The following SBF2 variants were observed in gnomAD, a reference collection of about 807,000 sequenced individuals.
SBF2 encodes myotubularin-related protein 13.
Under a neutral mutation model 225.2 loss-of-function variants are expected in SBF2, and 112 were observed. The observed-to-expected ratio is 0.50, with a 90% CI of 0.43 to 0.58. SBF2 has a LOEUF of 0.58. SBF2 is among the 20% of genes least tolerant of loss of function. SBF2 has a pLI of 0.00. For synonymous variants in SBF2, 763 were observed against 773.3 expected (o/e 0.99, Z 0.22); for missense variants, 1,996 against 2,206.2 (o/e 0.90, Z 1.91).
At chr11:10,225,314 TA>T (rs556088795) in intron 1 of SBF2, among the ~76,000 whole-genome samples, 3 of 149,598 alleles carry the variant, frequency 2.0e-5, no homozygotes, top group Non-Finnish European at 4.5e-5. Context: ...ACTTCTTCTT[TA>T]AAAAAAAAGA....
At chr11:10,137,092 T>C (rs1347345128) in intron 2 of SBF2, among the ~76,000 whole-genome samples, 3 of 152,226 alleles carry the variant, frequency 2.0e-5, no homozygotes, top group Non-Finnish European at 4.4e-5. Flanking sequence ...CAACATTTTG[T>C]AGTCTCAGCA....
intron 16 of SBF2, among the ~76,000 whole-genome samples, chr11:9,946,638 T>TG (rs1865580119): frequency 1.3e-5 from 2 of 152,074 alleles, no homozygotes; most frequent in Non-Finnish European, 1.5e-5. Context: ...TTAATAAAGA[T>TG]GGAGTTTCTC....
intron 1 of SBF2, among the ~76,000 whole-genome samples, chr11:10,288,027 T>A (rs1419434345): frequency 1.3e-5 from 2 of 152,072 alleles, no homozygotes; most frequent in African/African-American, 4.8e-5. Flanking sequence ...ACAAACAGCT[T>A]CCCCGGCCGG....
intron 16 of SBF2, among the ~76,000 whole-genome samples, chr11:9,948,648 C>G (rs1223171402): frequency 6.6e-6 from 1 of 152,158 alleles, no homozygotes; most frequent in Non-Finnish European, 1.5e-5. Context: ...TAGGGTGTCT[C>G]TGTTGCCAGA....
chr11:10,178,849 T>A (rs1195399060), intron 2 of SBF2, among the ~76,000 whole-genome samples: 1 of 149,478 alleles, frequency 6.7e-6, no homozygotes, highest in Non-Finnish European at 1.5e-5. Flanking sequence ...ACTGGGTATA[T>A]ACCCAAAGGA....
At chr11:9,811,318 A>G (rs1249121883) in intron 30 of SBF2, 2 of 152,240 alleles carry the variant, frequency 1.3e-5, no homozygotes, top group Non-Finnish European at 2.9e-5. Context: ...ACAAACCTAC[A>G]TATGTACCCC....
Position 10,212,560 on chromosome 11 carries a change from A to G in SBF2, c.56-18573T>C, listed in dbSNP as rs139477308. ...TCTAGATTTGTAAAGTGATAAATCTATAGGTATTAGACATTATGGAGACCT... is the reference window on the plus strand; with the variant it reads ...TCTAGATTTGTAAAGTGATAAATCTGTAGGTATTAGACATTATGGAGACCT... On this transcript the variant is annotated intron_variant, in intron 1 of 39. Coordinates refer to ENST00000256190, the MANE Select transcript of SBF2 (RefSeq NM_030962.4). 3.7e-3 allele frequency among the ~76,000 whole-genome samples: 566 copies of G among 152,338 alleles called. 2 individuals carry two copies. Among genetic ancestry groups the G allele is most frequent in the Admixed American group, 6.2e-3 (95 of 15,308 alleles).
intron 16 of SBF2, among the ~76,000 whole-genome samples, chr11:9,954,037 G>C (rs1409467967): frequency 6.6e-6 from 1 of 152,122 alleles, no homozygotes; most frequent in Non-Finnish European, 1.5e-5. Context: ...AGTAATCTCA[G>C]TTTCAAAAAA....
chr11:9,897,263 G>C (rs555041954), intron 16 of SBF2, among the ~76,000 whole-genome samples: 1 of 151,828 alleles, frequency 6.6e-6, no homozygotes, highest in African/African-American at 2.4e-5. Flanking sequence ...TTGAGACAGA[G>C]TCTTGCTCTG....
intron 1 of SBF2, among the ~76,000 whole-genome samples, chr11:10,263,587 A>G (rs758071217): frequency 2.6e-5 from 4 of 152,274 alleles, no homozygotes; most frequent in Admixed American, 1.3e-4. Flanking sequence ...CTTACTACTA[A>G]TAAGTACCTA....
At chr11:9,978,708 C>G (rs1946809276) in intron 13 of SBF2, among the ~76,000 whole-genome samples, 1 of 152,108 alleles carries the variant, frequency 6.6e-6, no homozygotes, top group Non-Finnish European at 1.5e-5. Context: ...GGTGGCAGGA[C>G]TTCGGCTCAA....
chr11:10,117,440 C>CAAAAAAAAA (rs57722094), intron 2 of SBF2, among the ~76,000 whole-genome samples: 1 of 40,906 alleles, frequency 2.4e-5, no homozygotes, highest in African/African-American at 8.0e-5. Flanking sequence ...GAATCCAACT[C>CAAAAAAAAA]AAAAAAAAAA....
At chr11:10,040,993 A>G (rs1436627969) in intron 3 of SBF2, among the ~76,000 whole-genome samples, 1 of 152,088 alleles carries the variant, frequency 6.6e-6, no homozygotes, top group Non-Finnish European at 1.5e-5. Flanking sequence ...CCATTAATAT[A>G]ATGTCAATAT....
chr11:10,024,289 T>C (rs1948967625), intron 6 of SBF2, among the ~76,000 whole-genome samples: 1 of 152,078 alleles, frequency 6.6e-6, no homozygotes, highest in Admixed American at 6.6e-5. Context: ...ATAAATAAAA[T>C]GGCTATGAAC....
chr11:10,297,031 T>C (rs1271955670), upstream of SBF2, among the ~76,000 whole-genome samples: 1 of 152,206 alleles, frequency 6.6e-6, no homozygotes, highest in Non-Finnish European at 1.5e-5. Flanking sequence ...TCAAGTCCTT[T>C]GCCCATTTTT....
intron 16 of SBF2, among the ~76,000 whole-genome samples, chr11:9,907,055 A>C (rs1862174321): frequency 6.6e-6 from 1 of 152,240 alleles, no homozygotes; most frequent in Non-Finnish European, 1.5e-5. Flanking sequence ...TTTCCTTTAG[A>C]GTTTAGATTA....
At chr11:10,053,186 T>C (rs1950123043) in intron 2 of SBF2, among the ~76,000 whole-genome samples, 1 of 152,130 alleles carries the variant, frequency 6.6e-6, no homozygotes, top group African/African-American at 2.4e-5. Flanking sequence ...AGATAAAATA[T>C]CATAACCAAT....
rs1278338905 is a variant in SBF2, at chr11:9,994,942, CAGG to C, written c.976-947_976-945del. On this transcript the variant is annotated intron_variant, in intron 9 of 39. Transcript: ENST00000256190. ...GTCCCAGCTACTTGGGAGTCTGAGG[CAGG>C]AGAATAGCTTGACCCTGGGAGGCAG... 2.9e-4 allele frequency among the ~76,000 whole-genome samples: 44 copies of C among 151,450 alleles called. 1 individual carries two copies. The highest frequency in any genetic ancestry group is 2.7e-3 in the Admixed American group (41 of 15,190).
At chr11:10,076,546 G>C (rs1951121375) in intron 2 of SBF2, among the ~76,000 whole-genome samples, 1 of 152,198 alleles carries the variant, frequency 6.6e-6, no homozygotes, top group Non-Finnish European at 1.5e-5. Context: ...TGGGAGCCAT[G>C]TTTTTGTCTC....
Sources: allele counts gnomAD v4.1 joint callset (sites outside exome capture counted in the v4.1 genomes callset), GRCh38; gene constraint gnomAD v4.1.1; transcripts MANE v1.5; gene names NCBI Gene and HGNC (gene_info 2026-07-23, HGNC 2026-07-21).